The following TMEM178B variants were observed in gnomAD, a reference collection of about 807,000 sequenced individuals.
TMEM178B encodes the protein transmembrane protein 178B.
TMEM178B carries 5 observed loss-of-function variants against 31.0 expected under a neutral mutation model. The observed-to-expected ratio is 0.16, with a 90% CI of 0.08 to 0.34. The LOEUF is 0.34. Among genes scored for constraint, TMEM178B ranks in the 10% least tolerant of loss-of-function variants. TMEM178B has a pLI of 1.00. For missense variants in TMEM178B, 275 were observed against 400.3 expected, an observed-to-expected ratio of 0.69 and a Z score of 2.67; for synonymous variants, 164 against 164.0, an observed-to-expected ratio of 1.00 and a Z score of 0.00.
intron 2 of TMEM178B, among the ~76,000 whole-genome samples, chr7:141,258,012 T>C (rs1281734477): frequency 6.6e-6 from 1 of 151,868 alleles, no homozygotes; most frequent in East Asian, 1.9e-4. Flanking sequence ...TTTATTGTGT[T>C]TTTTTAGTAG....
chr7:141,265,936 G>A (rs1473914295), intron 2 of TMEM178B, among the ~76,000 whole-genome samples: 1 of 152,172 alleles, frequency 6.6e-6, no homozygotes, highest in Non-Finnish European at 1.5e-5. Flanking sequence ...TTACTAGTTG[G>A]GCTGGAGCTC....
At chr7:141,333,338 A>T (rs1311712696) in intron 2 of TMEM178B, among the ~76,000 whole-genome samples, 1 of 152,196 alleles carries the variant, frequency 6.6e-6, no homozygotes, top group Non-Finnish European at 1.5e-5. Flanking sequence ...AGCTACTTTG[A>T]ATTAATAATT....
chr7:141,239,043 C>T (rs987405826), intron 2 of TMEM178B, among the ~76,000 whole-genome samples: 7 of 152,050 alleles, frequency 4.6e-5, no homozygotes, highest in South Asian at 2.1e-4. Context: ...CTGCAGGAGC[C>T]GGTAGGAGCT....
At chr7:141,345,670 T>C (rs1400125175) in intron 2 of TMEM178B, among the ~76,000 whole-genome samples, 1 of 152,228 alleles carries the variant, frequency 6.6e-6, no homozygotes, top group African/African-American at 2.4e-5. Flanking sequence ...GGAGATCTCA[T>C]GTGAAAACGA....
chr7:141,151,387 A>C (rs1258087284), intron 1 of TMEM178B, among the ~76,000 whole-genome samples: 1 of 152,196 alleles, frequency 6.6e-6, no homozygotes, highest in African/African-American at 2.4e-5. Context: ...GTAAAGGATA[A>C]GTGGCTTGGC....
chr7:141,489,941 A>T, the TMEM178B span, among the ~76,000 whole-genome samples: 1 of 152,212 alleles, frequency 6.6e-6, no homozygotes, highest in Admixed American at 6.5e-5. Flanking sequence ...AGCACACAGG[A>T]AGCAAAGCTT....
At chr7:141,276,435 C>T (rs1313089239) in intron 2 of TMEM178B, among the ~76,000 whole-genome samples, 1 of 151,978 alleles carries the variant, frequency 6.6e-6, no homozygotes, top group Non-Finnish European at 1.5e-5. Context: ...GATGGGGAGG[C>T]CTCAGGAAAC....
At chr7:141,251,349 T>C (rs1797830455) in intron 2 of TMEM178B, among the ~76,000 whole-genome samples, 1 of 151,818 alleles carries the variant, frequency 6.6e-6, no homozygotes, top group Admixed American at 6.6e-5. Flanking sequence ...CAGACAGATA[T>C]GCAGGGAAAC....
intron 1 of TMEM178B, among the ~76,000 whole-genome samples, chr7:141,096,674 G>C (rs1794965388): frequency 1.3e-5 from 2 of 152,136 alleles, no homozygotes; most frequent in Non-Finnish European, 2.9e-5. Context: ...TGTATCTTTT[G>C]TAATATCCCT....
chr7:141,475,720 G>A lies in TMEM178B; in HGVS notation c.*4934G>A, dbSNP rs1802351180. The stretch of plus-strand genomic sequence containing the variant: ...AGTTTAATGCCAGACCTTAGGGGCA[G>A]GATGGAGCAGGGCTAAAAGATGTCT... On this transcript the variant is annotated 3_prime_UTR_variant, in exon 4 of 4. Coordinates refer to ENST00000565468, the MANE Select transcript of TMEM178B (RefSeq NM_001195278.2). The A allele has an allele frequency of 6.6e-6, 1 of 152,172 alleles. No individual in the cohort carries two copies. The highest frequency in any genetic ancestry group is 1.5e-5 in the Non-Finnish European group (1 of 68,046). 9.4% of individuals were successfully genotyped at this position (152,172 alleles called of 1,614,324 possible).
In TMEM178B at chr7:141,172,722, C is replaced by T. The variant is rs533768320; in HGVS notation, c.383-39869C>T. On this transcript the variant is annotated intron_variant, in intron 1 of 3. Coordinates refer to ENST00000565468, the MANE Select transcript of TMEM178B (RefSeq NM_001195278.2). ...CTGGCCACATTGGCTAAGGGAGGAA[C>T]AATTAGTGATTATGAGATGGTAAAG... Among the ~76,000 whole-genome samples the T allele has an allele frequency of 2.0e-5, 3 of 152,268 alleles. No homozygotes were observed. The South Asian group carries it at 6.2e-4, about 32-fold the overall frequency.
intron 1 of TMEM178B, among the ~76,000 whole-genome samples, chr7:141,190,544 C>T (rs1796680617): frequency 1.3e-5 from 2 of 151,984 alleles, no homozygotes; most frequent in African/African-American, 4.8e-5. Flanking sequence ...CTCCTGGGCT[C>T]GAGTGATCCT....
chr7:141,331,866 G>T (rs1301491271), intron 2 of TMEM178B, among the ~76,000 whole-genome samples: 1 of 152,190 alleles, frequency 6.6e-6, no homozygotes, highest in Non-Finnish European at 1.5e-5. Flanking sequence ...TTTCTTCCTG[G>T]TCTCTTTGTA....
At chr7:141,468,643 AG>A (rs1802186629) in intron 3 of TMEM178B, among the ~76,000 whole-genome samples, 1 of 152,226 alleles carries the variant, frequency 6.6e-6, no homozygotes, top group Non-Finnish European at 1.5e-5. Flanking sequence ...CCACAAATTT[AG>A]TGAGGCAGTG....
At chr7:141,448,558 C>T (rs1801803671) in intron 3 of TMEM178B, among the ~76,000 whole-genome samples, 1 of 152,122 alleles carries the variant, frequency 6.6e-6, no homozygotes, top group Non-Finnish European at 1.5e-5. Flanking sequence ...AGGACAGTCC[C>T]AGAAGTGTAA....
Position 141,299,054 on chromosome 7 carries a change from G to C in TMEM178B, c.496+86350G>C, listed in dbSNP as rs900437266. Among the ~76,000 whole-genome samples the C allele has an allele frequency of 2.0e-5, 3 of 152,112 alleles. No homozygotes were observed. In the East Asian group the frequency reaches 5.8e-4, roughly 29 times the overall value. ...GGGTGGGTGAGAGAGAGATGTCACT[G>C]GAAAAGATCTATTTTGGGGAAAAGG... On this transcript the variant is annotated intron_variant, in intron 2 of 3. Transcript: ENST00000565468.
At chr7:141,082,605 G>C (rs930003361) in intron 1 of TMEM178B, among the ~76,000 whole-genome samples, 2 of 152,240 alleles carry the variant, frequency 1.3e-5, no homozygotes, top group African/African-American at 4.8e-5. Flanking sequence ...GAGAGTCAGT[G>C]ATTCAAGAAG....
intron 2 of TMEM178B, among the ~76,000 whole-genome samples, chr7:141,389,207 T>A (rs1165637821): frequency 6.6e-6 from 1 of 152,198 alleles, no homozygotes; most frequent in Non-Finnish European, 1.5e-5. Context: ...GAGGTACAAG[T>A]ACAGAATGCA....
At chr7:141,302,273 T>C (rs1798741031) in intron 2 of TMEM178B, among the ~76,000 whole-genome samples, 1 of 152,224 alleles carries the variant, frequency 6.6e-6, no homozygotes. Flanking sequence ...AAGGAAATTA[T>C]GATGCATGCT....
Sources: gnomAD v4.1 joint callset for allele counts (sites outside exome capture counted in the v4.1 genomes callset) on GRCh38, gnomAD v4.1.1 for gene constraint, MANE v1.5 for transcripts, NCBI Gene and HGNC (gene_info 2026-07-23, HGNC 2026-07-21) for gene names.